The following UGT1A6 variants were observed in gnomAD, a reference collection of about 807,000 sequenced individuals.
The protein encoded by UGT1A6 is UDP-glucuronosyltransferase 1A6.
In UGT1A6, 32 loss-of-function variants were observed where a neutral mutation model predicts 44.4. The observed-to-expected ratio is 0.72, with a 90% confidence interval of 0.54 to 0.97. The LOEUF (loss-of-function observed/expected upper bound fraction) is 0.97, where lower values mean the gene tolerates loss of function less well. Among genes scored for constraint, UGT1A6 ranks in the 50% least tolerant of loss-of-function variants. The probability of loss-of-function intolerance (pLI) is 0.00; values close to 1 mark genes in which losing one functional copy is unlikely to be tolerated. For synonymous variants in UGT1A6, 238 were observed against 248.5 expected (o/e 0.96, Z 0.40); for missense variants, 685 against 661.9 (o/e 1.03, Z -0.38).
At chr2:233,745,519 A>G (rs567771888) in intron 1 of UGT1A6, among the ~76,000 whole-genome samples, 1 of 151,822 alleles carries the variant, frequency 6.6e-6, no homozygotes, top group African/African-American at 2.4e-5. Context: ...ATTAGGTCTA[A>G]TGGGGATGTG....
chr2:233,754,737 G>T, intron 1 of UGT1A6: 1 of 665,248 alleles, frequency 1.5e-6, no homozygotes, highest in Non-Finnish European at 2.5e-6. Flanking sequence ...ACTACCGTAG[G>T]ACATGCAGAA....
rs373771428 is a variant in UGT1A6 at position 233,743,798 on chromosome 2, T to A, written c.862-23236T>A. The A allele has an allele frequency of 5.3e-5, 73 of 1,367,294 alleles. No homozygotes were observed. The East Asian group carries it at 1.4e-3, about 26-fold the overall frequency. 84.7% of individuals were successfully genotyped at this position (1,367,294 alleles called of 1,614,324 possible). A position where few individuals can be genotyped will look rare whatever the true frequency, so the allele number is the denominator to read the frequency against. On this transcript the variant is annotated intron_variant, in intron 1 of 4. Transcript: ENST00000305139. ...CTGCTTGAATCTCCTCTCCGCTTCC[T>A]CCTTGTTCTCAGGGTTTTTGTCGGG...
chr2:233,767,747 C>CTG lies in UGT1A6; in HGVS notation c.994-100_994-99dup, dbSNP rs35331289. ...ACTGATCCTCCCACTCTGTTAAAGA[C>CTG]TGTTCCTTCAGAGGACCCCTGTTTT... is the stretch of plus-strand genomic sequence containing the variant. On this transcript the variant is annotated intron_variant, in intron 2 of 4. Coordinates refer to ENST00000305139, the MANE Select transcript of UGT1A6 (RefSeq NM_001072.4). 3.9e-3 allele frequency: 6,206 copies of CTG among 1,591,080 alleles called. 210 individuals are homozygous for CTG. In the African/African-American group the frequency reaches 0.073, roughly 19 times the overall value.
intron 1 of UGT1A6, chr2:233,754,468 G>A: frequency 1.1e-5 from 4 of 357,086 alleles, no homozygotes; most frequent in Non-Finnish European, 1.7e-5. Context: ...TGTTCTGAAA[G>A]TAAAGTTCAC....
intron 1 of UGT1A6, chr2:233,740,822 C>A (rs1691482429): frequency 1.3e-5 from 2 of 151,840 alleles, no homozygotes; most frequent in Non-Finnish European, 2.9e-5. Flanking sequence ...TGTTTTTGAG[C>A]TGAGACATTT....
intron 1 of UGT1A6, among the ~76,000 whole-genome samples, chr2:233,739,678 T>A (rs1691173919): frequency 6.6e-6 from 1 of 152,240 alleles, no homozygotes; most frequent in Non-Finnish European, 1.5e-5. Context: ...TGGAAGTTAC[T>A]AACTTGTTTT....
intron 1 of UGT1A6, chr2:233,743,605 G>A (rs376857469): frequency 9.1e-5 from 125 of 1,367,170 alleles, no homozygotes; most frequent in Middle Eastern, 2.1e-4. Context: ...CCTGGCCGCC[G>A]AAGAACTCCC....
intron 1 of UGT1A6, 105 bp from the exon 2 acceptor site, chr2:233,766,928 CT>C: frequency 6.3e-7 from 1 of 1,578,028 alleles, no homozygotes; most frequent in Non-Finnish European, 8.6e-7. Flanking sequence ...ACACGCATGC[CT>C]TTAATCATAG....
intron 1 of UGT1A6, among the ~76,000 whole-genome samples, chr2:233,765,193 A>G (rs1229079097): frequency 6.6e-6 from 1 of 152,214 alleles, no homozygotes; most frequent in Non-Finnish European, 1.5e-5. Flanking sequence ...TCACACAATC[A>G]TATTAGTGCC....
intron 1 of UGT1A6, among the ~76,000 whole-genome samples, chr2:233,744,910 G>A (rs1048974476): frequency 2.6e-5 from 4 of 151,812 alleles, no homozygotes; most frequent in Non-Finnish European, 5.9e-5. Context: ...AAATCTAGAT[G>A]CTCAAGCTCC....
chr2:233,772,230 T>C (rs1167373810), intron 4 of UGT1A6, 32 bp from the exon 5 acceptor site: 1 of 1,613,798 alleles, frequency 6.2e-7, no homozygotes. Flanking sequence ...CCACAGGTGT[T>C]CCAGGCATAA....
At chr2:233,752,348 A>G (rs1694949264) in intron 1 of UGT1A6, 1 of 152,154 alleles carries the variant, frequency 6.6e-6, no homozygotes, top group South Asian at 2.1e-4. Context: ...CATGGAGGAA[A>G]TTCATTTTAG....
At chr2:233,752,938 T>A (rs1691143472) in intron 1 of UGT1A6, among the ~76,000 whole-genome samples, 2 of 152,262 alleles carry the variant, frequency 1.3e-5, no homozygotes, top group South Asian at 4.1e-4. Flanking sequence ...CACTCTTTGC[T>A]GACCACTGAA....
At chr2:233,721,918 T>C in intron 1 of UGT1A6, 1 of 410,238 alleles carries the variant, frequency 2.4e-6, no homozygotes, top group Non-Finnish European at 4.9e-6. Flanking sequence ...ACTGCTTCCA[T>C]AAAGTGACAT....
intron 1 of UGT1A6, among the ~76,000 whole-genome samples, chr2:233,707,402 T>TTC (rs2075960068): frequency 6.6e-6 from 1 of 152,208 alleles, no homozygotes; most frequent in Non-Finnish European, 1.5e-5. Context: ...CTTTTTGATG[T>TTC]TCTCTCTCCC....
chr2:233,758,992 G>A (rs561211595), intron 1 of UGT1A6, among the ~76,000 whole-genome samples: 1 of 152,306 alleles, frequency 6.6e-6, no homozygotes, highest in Non-Finnish European at 1.5e-5. Flanking sequence ...CCAGTGGAAT[G>A]AGTACAATTT....
chr2:233,729,448 A>G (rs1363906847), intron 1 of UGT1A6: 1 of 1,614,064 alleles, frequency 6.2e-7, no homozygotes, highest in South Asian at 1.1e-5. Flanking sequence ...ACATTTTCTG[A>G]AGAAATTTTT....
chr2:233,755,198 G>A (rs1452134349), intron 1 of UGT1A6: 1 of 1,110,818 alleles, frequency 9.0e-7, no homozygotes, highest in Non-Finnish European at 1.3e-6. Flanking sequence ...GCGCCAGCTT[G>A]CGGTACGCCT....
chr2:233,704,074 A>G (rs2075766194), intron 1 of UGT1A6, among the ~76,000 whole-genome samples: 1 of 151,960 alleles, frequency 6.6e-6, no homozygotes, highest in Admixed American at 6.6e-5. Flanking sequence ...TATTTTTTAT[A>G]GAGACAGAGT....
Sources: gnomAD v4.1 joint callset for allele counts (sites outside exome capture counted in the v4.1 genomes callset) on GRCh38, gnomAD v4.1.1 for gene constraint, MANE v1.5 for transcripts, NCBI Gene and HGNC (gene_info 2026-07-23, HGNC 2026-07-21) for gene names.